Variants in CXADR observed in about 807,000 individuals in gnomAD.
The protein encoded by CXADR is CXADR cell adhesion molecule, also known as coxsackievirus and adenovirus receptor.
A neutral mutation model predicts 40.3 loss-of-function variants in CXADR; 20 were observed. The ratio of observed to expected loss-of-function variants is 0.50; its 90% confidence interval spans 0.35 to 0.72. The LOEUF (loss-of-function observed/expected upper bound fraction) is 0.72. CXADR is among the 30% of genes least tolerant of loss of function. CXADR has a pLI of 0.01. For missense variants in CXADR, 332 were observed against 449.1 expected (o/e 0.74, Z 2.36); for synonymous variants, 150 against 161.3 (o/e 0.93, Z 0.53).
At chr21:17,584,545 C>T (rs1348480278) in intron 7 of CXADR, among the ~76,000 whole-genome samples, 1 of 152,074 alleles carries the variant, frequency 6.6e-6, no homozygotes, top group Non-Finnish European at 1.5e-5. Context: ...AAAGTCCTGC[C>T]CCTAGGCCGG....
At chr21:17,534,898 C>T (rs2060734727) in intron 1 of CXADR, among the ~76,000 whole-genome samples, 1 of 149,808 alleles carries the variant, frequency 6.7e-6, no homozygotes, top group Non-Finnish European at 1.5e-5. Context: ...GATTCTCCTG[C>T]CTCAGCCTCC....
At position 17,576,091 on chromosome 21, in the gene CXADR, A is replaced by G. The variant is rs982449665; in HGVS notation, c.1017+10480A>G. Among the ~76,000 whole-genome samples the G allele has an allele frequency of 1.4e-4, 21 of 151,600 alleles. 1 individual carries two copies. The South Asian group carries it at 2.7e-3, about 20-fold the overall frequency. On this transcript the variant is annotated intron_variant, in intron 7 of 7. Coordinates refer to the CXADR transcript ENST00000400169. ...TGACAGAGCGAGACTCCATCTCAAA[A>G]AAAAAAAAAAAAAGTTTTTAAGGGC...
chr21:17,592,546 C>T (rs145343563), intron 7 of CXADR, among the ~76,000 whole-genome samples: 27 of 151,874 alleles, frequency 1.8e-4, no homozygotes, highest in South Asian at 4.1e-4. Flanking sequence ...TCCAACTTTA[C>T]GCCAATCACC....
chr21:17,513,785 A>G (rs565234651), intron 1 of CXADR, among the ~76,000 whole-genome samples: 11 of 152,346 alleles, frequency 7.2e-5, no homozygotes, highest in African/African-American at 2.6e-4. Context: ...CGCATTGTGA[A>G]GGAGACCGTG....
At chr21:17,537,026 G>C (rs1030107304) in intron 1 of CXADR, among the ~76,000 whole-genome samples, 1 of 152,316 alleles carries the variant, frequency 6.6e-6, no homozygotes, top group African/African-American at 2.4e-5. Flanking sequence ...CCAAAGTGCT[G>C]GGATTACAGG....
intron 3 of CXADR, among the ~76,000 whole-genome samples, chr21:17,556,315 G>A (rs1312199203): frequency 6.6e-6 from 1 of 152,236 alleles, no homozygotes; most frequent in Non-Finnish European, 1.5e-5. Flanking sequence ...CCAGTGGAAA[G>A]CAGGTGGGCC....
Position 17,566,841 on chromosome 21 carries a change from A to G in CXADR, c.*1149A>G. On this transcript the variant is annotated 3_prime_UTR_variant, in exon 7 of 7. Coordinates refer to ENST00000284878, the MANE Select transcript of CXADR (RefSeq NM_001338.5). The stretch of plus-strand genomic sequence containing the variant: ...AATTCTGTATTCCAGACTTGGGAGG[A>G]TGTACAGTTGCTGTTGTGTGATCAA... The G allele has an allele frequency of 1.0e-6, 1 of 979,606 alleles. No homozygotes were observed. Among genetic ancestry groups the G allele is most frequent in the Non-Finnish European group, 1.2e-6 (1 of 824,746 alleles). 60.7% of individuals were successfully genotyped at this position (979,606 alleles called of 1,614,324 possible).
intron 7 of CXADR, among the ~76,000 whole-genome samples, chr21:17,586,352 A>G (rs912813284): frequency 6.7e-6 from 1 of 148,636 alleles, no homozygotes; most frequent in Non-Finnish European, 1.5e-5. Context: ...TCCCAAAGCT[A>G]AAGTTTATAT....
intron 6 of CXADR, among the ~76,000 whole-genome samples, chr21:17,562,605 G>T (rs2061139685): frequency 2.0e-5 from 3 of 152,236 alleles, no homozygotes. Flanking sequence ...TTTGAAGCCA[G>T]ACATTGACAT....
intron 2 of CXADR, among the ~76,000 whole-genome samples, chr21:17,551,020 G>T (rs756760144): frequency 2.6e-5 from 4 of 152,206 alleles, no homozygotes; most frequent in Non-Finnish European, 5.9e-5. Context: ...ATAAGCCTTT[G>T]TAGGGGCAGG....
chr21:17,626,350 G>T, the CXADR span, among the ~76,000 whole-genome samples: 2 of 152,134 alleles, frequency 1.3e-5, no homozygotes, highest in African/African-American at 2.4e-5. Flanking sequence ...CTCAAAATTG[G>T]TTCCTGGACC....
At chr21:17,547,541 A>C (rs947366156) in intron 2 of CXADR, among the ~76,000 whole-genome samples, 4 of 152,202 alleles carry the variant, frequency 2.6e-5, no homozygotes, top group Non-Finnish European at 5.9e-5. Flanking sequence ...TGACGTTGAG[A>C]CAGGAGTGTG....
chr21:17,596,211 T>C (rs1200202635), downstream of CXADR, among the ~76,000 whole-genome samples: 1 of 152,020 alleles, frequency 6.6e-6, no homozygotes, highest in Non-Finnish European at 1.5e-5. Context: ...ATATATGTAA[T>C]GAGAATATTT....
In CXADR at chr21:17,566,224, T is replaced by G; in HGVS notation, c.*532T>G. ...GAAAACTCTGTGTTTGGAATATCTC[T>G]AAAAACATAGAAAACACTACAGTGG... is the stretch of plus-strand genomic sequence containing the variant. On this transcript the variant is annotated 3_prime_UTR_variant, in exon 7 of 7. Coordinates refer to ENST00000284878, the MANE Select transcript of CXADR (RefSeq NM_001338.5). 1 of 979,440 alleles carries G rather than the reference T, an allele frequency of 1.0e-6. No homozygotes were observed. Among genetic ancestry groups the G allele is most frequent in the Non-Finnish European group, 1.2e-6 (1 of 824,466 alleles). 60.7% of individuals were successfully genotyped at this position (979,440 alleles called of 1,614,324 possible). A position where few individuals can be genotyped will look rare whatever the true frequency, so the allele number is the denominator to read the frequency against.
the CXADR span, among the ~76,000 whole-genome samples, chr21:17,631,485 T>C: frequency 3.9e-5 from 6 of 152,214 alleles, no homozygotes; most frequent in Admixed American, 2.6e-4. Context: ...AAGTGTGAGA[T>C]AGCACTCACA....
At chr21:17,603,937 C>A in the CXADR span, among the ~76,000 whole-genome samples, 1 of 152,172 alleles carries the variant, frequency 6.6e-6, no homozygotes, top group Non-Finnish European at 1.5e-5. Context: ...CAATTTCAAA[C>A]TGAATTACCT....
At chr21:17,530,285 T>C in intron 1 of CXADR, 2 of 349,156 alleles carry the variant, frequency 5.7e-6, no homozygotes, top group Non-Finnish European at 1.1e-5. Flanking sequence ...TTTTTTCCAC[T>C]CTTTTCTGAT....
chr21:17,620,683 T>G, the CXADR span, among the ~76,000 whole-genome samples: 11 of 152,034 alleles, frequency 7.2e-5, no homozygotes, highest in African/African-American at 2.7e-4. Flanking sequence ...AAGCTAGATA[T>G]GCCAGCATTC....
intron 1 of CXADR, among the ~76,000 whole-genome samples, chr21:17,545,781 GTT>G (rs72153877): frequency 8.9e-4 from 107 of 120,688 alleles, no homozygotes; most frequent in African/African-American, 2.0e-3. Flanking sequence ...GGTTTTTTTT[GTT>G]TTTTTTTTTT....
Sources: gnomAD v4.1 joint callset for allele counts (sites outside exome capture counted in the v4.1 genomes callset) on GRCh38, gnomAD v4.1.1 for gene constraint, MANE v1.5 for transcripts, NCBI Gene and HGNC (gene_info 2026-07-23, HGNC 2026-07-21) for gene names.